Variants in CAMTA1 observed in about 807,000 individuals in gnomAD.
The protein encoded by CAMTA1 is calmodulin-binding transcription activator 1.
In CAMTA1, 27 loss-of-function variants were observed where a neutral mutation model predicts 170.9. That is an observed-to-expected ratio of 0.16 (90% CI 0.12 to 0.22). The LOEUF is 0.22. CAMTA1 is among the 10% of genes least tolerant of loss of function. CAMTA1 has a pLI of 1.00. For missense variants in CAMTA1, 1,619 were observed against 2,217.2 expected (o/e 0.73, Z 5.42); for synonymous variants, 833 against 891.5 (o/e 0.93, Z 1.17).
At position 7,739,224 on chromosome 1, in the gene CAMTA1, C is replaced by T. The variant is rs75870676; in HGVS notation, c.4182+742C>T. Among the ~76,000 whole-genome samples the T allele has an allele frequency of 4.6e-5, 7 of 152,130 alleles. No homozygotes were observed. In the South Asian group the frequency reaches 6.2e-4, roughly 14 times the overall value. The stretch of plus-strand genomic sequence containing the variant: ...AAACAAACGTAAAAGGGAAAAAAAA[C>T]GACTCAGAATTCAACAGGGCACCCA... On this transcript the variant is annotated intron_variant, in intron 16 of 22. Transcript: ENST00000303635.
intron 4 of CAMTA1, among the ~76,000 whole-genome samples, chr1:7,127,837 G>A (rs902794100): frequency 6.6e-6 from 1 of 152,188 alleles, no homozygotes; most frequent in African/African-American, 2.4e-5. Flanking sequence ...AAGCCCTCAG[G>A]CCTATCCTTA....
At position 7,104,344 on chromosome 1, in the gene CAMTA1, CA is replaced by C. The variant is rs1410106886; in HGVS notation, c.302+12974del. Among the ~76,000 whole-genome samples the C allele has an allele frequency of 2.0e-5, 3 of 148,468 alleles. No homozygotes were observed. The East Asian group carries it at 5.9e-4, about 29-fold the overall frequency. ...ACACACACATATACATACATGTACA[CA>C]CATGCATAAATACTCAATACACATA... On this transcript the variant is annotated intron_variant, in intron 4 of 22. Coordinates refer to ENST00000303635, the MANE Select transcript of CAMTA1 (RefSeq NM_015215.4).
At position 6,918,508 on chromosome 1, in the gene CAMTA1, TC is replaced by T. The variant is rs1442167398; in HGVS notation, c.234+93299del. Among the ~76,000 whole-genome samples, 4 of 152,232 alleles carry T rather than the reference TC, an allele frequency of 2.6e-5. No homozygotes were observed. The highest frequency in any genetic ancestry group is 9.6e-5 in the African/African-American group (4 of 41,460). ...AATGTCTCCCAATTGCATATAAATG[TC>T]TCGGCTTTACTGTACTATTTGTGCT... is the stretch of plus-strand genomic sequence containing the variant. On this transcript the variant is annotated intron_variant, in intron 3 of 22. Coordinates refer to ENST00000303635, the MANE Select transcript of CAMTA1 (RefSeq NM_015215.4). The surrounding 1 kb of genome is among the most constrained non-coding windows in gnomAD (Gnocchi z 4.0).
chr1:7,172,418 G>A (rs571417794), intron 4 of CAMTA1, among the ~76,000 whole-genome samples: 35 of 152,342 alleles, frequency 2.3e-4, no homozygotes, highest in Non-Finnish European at 3.2e-4. Flanking sequence ...CCAAAGTGCC[G>A]GGATTACAGG....
At chr1:7,188,238 G>T (rs901048527) in intron 4 of CAMTA1, among the ~76,000 whole-genome samples, 4 of 152,138 alleles carry the variant, frequency 2.6e-5, no homozygotes, top group African/African-American at 9.7e-5. Context: ...TGAGATTTGG[G>T]TGGGGACAGA....
rs565279739 is a variant in CAMTA1, at chr1:7,513,570, A to G, written c.510+45669A>G. Among the ~76,000 whole-genome samples the G allele has an allele frequency of 4.0e-5, 6 of 151,812 alleles. No individual in the cohort carries two copies. The East Asian group carries it at 1.2e-3, about 30-fold the overall frequency. On this transcript the variant is annotated intron_variant, in intron 6 of 22. Coordinates refer to ENST00000303635, the MANE Select transcript of CAMTA1 (RefSeq NM_015215.4). ...CCTTGGCTGTAGAAAGATCACTCTG[A>G]CCCCTGCCTTCATGTTCACATGATC... is the stretch of plus-strand genomic sequence containing the variant.
At chr1:7,089,349 G>A (rs974165156) in intron 3 of CAMTA1, among the ~76,000 whole-genome samples, 4 of 152,168 alleles carry the variant, frequency 2.6e-5, no homozygotes, top group African/African-American at 9.7e-5. Flanking sequence ...GCTCTTAAGT[G>A]TGTTACTATT....
At chr1:7,245,178 GATAT>G (rs58458840) in intron 4 of CAMTA1, among the ~76,000 whole-genome samples, 1 of 148,546 alleles carries the variant, frequency 6.7e-6, no homozygotes, top group African/African-American at 2.5e-5. Flanking sequence ...ATTTAGCCAA[GATAT>G]ATATATATAT....
chr1:7,013,580 C>T lies in CAMTA1; in HGVS notation c.235-77724C>T, dbSNP rs148140764. ...CCATTCTGCTAAGATCAGGCCTGGC[C>T]GTCCTCAGTGCTTAGGTAAGCAGAG... On this transcript the variant is annotated intron_variant, in intron 3 of 22. Coordinates refer to ENST00000303635, the MANE Select transcript of CAMTA1 (RefSeq NM_015215.4). 4.7e-4 allele frequency among the ~76,000 whole-genome samples: 72 copies of T among 152,264 alleles called. 1 individual carries two copies. The highest frequency in any genetic ancestry group is 1.7e-3 in the African/African-American group (70 of 41,550).
intron 11 of CAMTA1, among the ~76,000 whole-genome samples, chr1:7,706,979 C>T (rs1036314472): frequency 3.3e-5 from 5 of 151,752 alleles, no homozygotes; most frequent in East Asian, 1.9e-4. Flanking sequence ...CTGCACCTCC[C>T]GGGTTCAAGT....
intron 21 of CAMTA1, among the ~76,000 whole-genome samples, chr1:7,753,687 C>A (rs2096913062): frequency 6.6e-6 from 1 of 152,132 alleles, no homozygotes. Flanking sequence ...CATGCACAGC[C>A]ACTGCATTAA....
At chr1:6,880,390 T>G (rs1671212674) in intron 3 of CAMTA1, among the ~76,000 whole-genome samples, 1 of 144,690 alleles carries the variant, frequency 6.9e-6, no homozygotes, top group Non-Finnish European at 1.5e-5. Flanking sequence ...AGTGTTTTTT[T>G]TTTTTTTTTT....
In CAMTA1 at chr1:7,144,553, C is replaced by G. The variant is rs540151338; in HGVS notation, c.302+53182C>G. On this transcript the variant is annotated intron_variant, in intron 4 of 22. Transcript: ENST00000303635. This position sits in a 1 kb window ranked among gnomAD's most constrained non-coding sequence, Gnocchi z 4.0. The stretch of plus-strand genomic sequence containing the variant: ...GGCAGGATTAGAAGATTTGCCTTGT[C>G]GGTGTAGTTTGTGGCTTCAGTGTTG... 6.6e-6 allele frequency among the ~76,000 whole-genome samples: 1 copy of G among 152,102 alleles called. No individual in the cohort carries two copies. Among genetic ancestry groups the G allele is most frequent in the Admixed American group, 6.5e-5 (1 of 15,282 alleles).
At chr1:6,957,800 A>T (rs1689709253) in intron 3 of CAMTA1, among the ~76,000 whole-genome samples, 1 of 152,070 alleles carries the variant, frequency 6.6e-6, no homozygotes, top group African/African-American at 2.4e-5. Flanking sequence ...TATGACGTGG[A>T]CATCTTTAGG....
chr1:7,182,634 C>A (rs1427088714), intron 4 of CAMTA1, among the ~76,000 whole-genome samples: 2 of 152,006 alleles, frequency 1.3e-5, no homozygotes, highest in East Asian at 1.9e-4. Flanking sequence ...TACAAAAGTC[C>A]ATGATAAGCA....
intron 3 of CAMTA1, among the ~76,000 whole-genome samples, chr1:6,930,418 T>G (rs1206130912): frequency 1.3e-5 from 2 of 152,206 alleles, no homozygotes; most frequent in Non-Finnish European, 2.9e-5. Flanking sequence ...TCTGTCTTTC[T>G]GTAACTGATT....
rs2093135221 is a variant in CAMTA1, at chr1:7,463,330, C to CAGAGACAGGG, written c.439-4491_439-4482dup. Among the ~76,000 whole-genome samples, 1 of 151,724 alleles carries CAGAGACAGGG rather than the reference C, an allele frequency of 6.6e-6. No individual in the cohort carries two copies. The highest frequency in any genetic ancestry group is 1.5e-5 in the Non-Finnish European group (1 of 67,950). Reference sequence around the variant, plus strand: ...CAGAGACAGGGACAGGCAAGGGAAACAGAGACAGGGAGAGACAGAGAGACA... The same window carrying CAGAGACAGGG: ...CAGAGACAGGGACAGGCAAGGGAAACAGAGACAGGGAGAGACAGGGAGAGACAGAGAGACA... On this transcript the variant is annotated intron_variant, in intron 5 of 22. Coordinates refer to ENST00000303635, the MANE Select transcript of CAMTA1 (RefSeq NM_015215.4). The surrounding 1 kb of genome is among the most constrained non-coding windows in gnomAD (Gnocchi z 4.7).
At chr1:7,713,496 G>A (rs1225178909) in intron 11 of CAMTA1, among the ~76,000 whole-genome samples, 3 of 151,866 alleles carry the variant, frequency 2.0e-5, no homozygotes, top group African/African-American at 4.8e-5. Flanking sequence ...TACTATTGGC[G>A]ATTATCAGTT....
At chr1:7,501,087 C>T (rs2093998061) in intron 6 of CAMTA1, among the ~76,000 whole-genome samples, 1 of 152,146 alleles carries the variant, frequency 6.6e-6, no homozygotes, top group Admixed American at 6.5e-5. Context: ...CCACGCGCCA[C>T]CCCTCGTCCT....
Sources: gnomAD v4.1 joint callset for allele counts (sites outside exome capture counted in the v4.1 genomes callset) on GRCh38, gnomAD v4.1.1 for gene constraint, Gnocchi (gnomAD v3.1) non-coding constraint, MANE v1.5 for transcripts, NCBI Gene and HGNC (gene_info 2026-07-23, HGNC 2026-07-21) for gene names.